Variants in USP54 observed in about 807,000 individuals in gnomAD.
USP54 encodes ubiquitin carboxyl-terminal hydrolase 54.
In USP54, 87 loss-of-function variants were observed where a neutral mutation model predicts 170.5. That is an observed-to-expected ratio of 0.51 (90% CI 0.43 to 0.61). The LOEUF is 0.61. Ranked by LOEUF, USP54 falls within the 20% of genes least tolerant of loss-of-function variation. The pLI is 0.00. For synonymous variants in USP54, 655 were observed against 742.8 expected (o/e 0.88, Z 1.92); for missense variants, 1,786 against 2,047.8 (o/e 0.87, Z 2.47).
chr10:73,608,236 G>A (rs143625838), intron 1 of USP54, among the ~76,000 whole-genome samples: 15 of 152,004 alleles, frequency 9.9e-5, no homozygotes, highest in African/African-American at 3.4e-4. Flanking sequence ...CTCCAGCCTG[G>A]GCAACAGAGC....
Position 73,541,695 on chromosome 10 carries a change from G to A in USP54, c.616C>T (p.Pro206Ser). Residue 206 changes from proline to serine, a missense_variant, in exon 8 of 24, where the codon CCA (proline) becomes TCA (serine). Coordinates refer to ENST00000687698, the MANE Select transcript of USP54 (RefSeq NM_001391956.1). ...TGCAGCAGCTCACCAAACATGCTTGGTGAAGGTTTCTCTCGTCTTTCCAGC... is the reference window on the plus strand; with the variant it reads ...TGCAGCAGCTCACCAAACATGCTTGATGAAGGTTTCTCTCGTCTTTCCAGC... ...CMLERREKPS[P>S]SMFGELLQNA... The A allele has an allele frequency of 1.9e-6, 3 of 1,614,152 alleles. No homozygotes were observed. The highest frequency in any genetic ancestry group is 2.5e-6 in the Non-Finnish European group (3 of 1,180,028).
intron 1 of USP54, among the ~76,000 whole-genome samples, chr10:73,587,529 G>C (rs1037472167): frequency 1.3e-5 from 2 of 152,212 alleles, no homozygotes; most frequent in South Asian, 4.2e-4. Context: ...AGAACCTCGG[G>C]AGGTAACATG....
chr10:73,539,670 G>A lies in USP54; in HGVS notation c.826-77C>T, dbSNP rs76548618. ...CATCATCTCTCAGCAGACTCCACCA[G>A]CATTTCTTAAGTAAGGTACTGACTT... On this transcript the variant is annotated intron_variant, in intron 9 of 23. Transcript: ENST00000687698. 0.013 allele frequency: 18,029 copies of A among 1,414,288 alleles called. 1,065 individuals are homozygous for A. The African/African-American group carries it at 0.17, about 13-fold the overall frequency. 87.6% of individuals were successfully genotyped at this position (1,414,288 alleles called of 1,614,324 possible). A position where few individuals can be genotyped will look rare whatever the true frequency, so the allele number is the denominator to read the frequency against.
At chr10:73,561,591 T>C in intron 4 of USP54, among the ~76,000 whole-genome samples, 1 of 152,190 alleles carries the variant, frequency 6.6e-6, no homozygotes, top group South Asian at 2.1e-4. Context: ...GTGAATGGCA[T>C]CTGAAATGTC....
intron 11 of USP54, 29 bp downstream of exon 11, chr10:73,536,240 G>C (rs2065193880): frequency 6.2e-7 from 1 of 1,612,104 alleles, no homozygotes. Context: ...GGTGAGGAGA[G>C]AGGAGAGGTA....
intron 22 of USP54, among the ~76,000 whole-genome samples, chr10:73,503,864 CT>C (rs536739446): frequency 1.4e-3 from 207 of 152,256 alleles, no homozygotes; most frequent in African/African-American, 4.6e-3. Flanking sequence ...TCCCGAGTAG[CT>C]AGGACTACAA....
chr10:73,561,775 A>C (rs2073119343), intron 4 of USP54, among the ~76,000 whole-genome samples: 1 of 152,252 alleles, frequency 6.6e-6, no homozygotes, highest in Non-Finnish European at 1.5e-5. Flanking sequence ...ACTAACTTCA[A>C]TATAGCATTC....
At chr10:73,618,560 A>G (rs2080833876) in intron 1 of USP54, among the ~76,000 whole-genome samples, 2 of 149,278 alleles carry the variant, frequency 1.3e-5, no homozygotes, top group East Asian at 2.0e-4. Context: ...CCTGGCCAAC[A>G]TGGTGAAACC....
At position 73,603,793 on chromosome 10, in the gene USP54, A is replaced by G. The variant is rs577142364; in HGVS notation, c.-18+21774T>C. ...AAAAAACTACAAGTCAACAACAACA[A>G]AATACAATTAAAAAATAAAGAACTT... On this transcript the variant is annotated intron_variant, in intron 1 of 22. Transcript: ENST00000339859. Among the ~76,000 whole-genome samples, 232 of 152,130 alleles carry G rather than the reference A, an allele frequency of 1.5e-3. 1 individual carries two copies. Among genetic ancestry groups the G allele is most frequent in the African/African-American group, 5.4e-3 (223 of 41,532 alleles).
At chr10:73,534,792 T>C in intron 11 of USP54, 22 bp from the exon 12 acceptor site, 3 of 1,607,760 alleles carry the variant, frequency 1.9e-6, no homozygotes, top group East Asian at 4.5e-5. Flanking sequence ...AGGAAACACA[T>C]ATGCAAAAAG....
chr10:73,526,363 T>C (rs1278661427), intron 16 of USP54, among the ~76,000 whole-genome samples: 2 of 152,140 alleles, frequency 1.3e-5, no homozygotes, highest in African/African-American at 4.8e-5. Context: ...TTCTCCTGCC[T>C]CAGCCTCCCG....
Position 73,540,296 on chromosome 10 carries a change from C to A in USP54, c.826-703G>T, listed in dbSNP as rs895033680. Among the ~76,000 whole-genome samples, 58 of 147,232 alleles carry A rather than the reference C, an allele frequency of 3.9e-4. 1 individual carries two copies. Among genetic ancestry groups the A allele is most frequent in the African/African-American group, 1.4e-3 (57 of 40,114 alleles). On this transcript the variant is annotated intron_variant, in intron 9 of 23. Transcript: ENST00000687698. The stretch of plus-strand genomic sequence containing the variant: ...TAAAAAAAAAAAAAAACCAGCTGGG[C>A]GCGGTGGCTCACGCCTGTAATCCCA...
At chr10:73,505,190 TTC>T in intron 21 of USP54, 116 bp downstream of exon 21, 1 of 1,248,990 alleles carries the variant, frequency 8.0e-7, no homozygotes, top group Non-Finnish European at 1.1e-6. Context: ...CCTTATTTTC[TTC>T]TGATAGCCCC....
chr10:73,590,090 T>C (rs1225870466), intron 1 of USP54, among the ~76,000 whole-genome samples: 1 of 152,208 alleles, frequency 6.6e-6, no homozygotes, highest in Non-Finnish European at 1.5e-5. Flanking sequence ...ACTGGACACA[T>C]GGTATATCCT....
chr10:73,625,749 G>A (rs1054005873), upstream of USP54: 8 of 151,968 alleles, frequency 5.3e-5, no homozygotes, highest in African/African-American at 1.9e-4. Context: ...AGCAGCTCTA[G>A]TCCTCCCCGC....
chr10:73,562,049 C>T lies in USP54; in HGVS notation c.240+9372G>A, dbSNP rs560073079. ...CTAGGAGGTAGAGGTTGCAGTGAGC[C>T]GAGATCATGCCACTGCACTCCAGCC... On this transcript the variant is annotated intron_variant, in intron 4 of 23. Transcript: ENST00000687698. Among the ~76,000 whole-genome samples the T allele has an allele frequency of 5.1e-4, 78 of 151,598 alleles. 1 individual carries two copies. The South Asian group carries it at 8.1e-3, about 16-fold the overall frequency.
intron 1 of USP54, among the ~76,000 whole-genome samples, chr10:73,585,425 C>T (rs954866353): frequency 5.3e-5 from 8 of 152,148 alleles, no homozygotes; most frequent in Non-Finnish European, 1.0e-4. Flanking sequence ...AGGGAGCTTA[C>T]GATCATGACA....
In USP54 at chr10:73,517,452, A is replaced by G. The variant is rs145377545; in HGVS notation, c.2974T>C (p.Leu992=). The change falls in exon 20 of 24, where the codon TTG becomes CTG. Residue 992 remains leucine (L), a synonymous_variant. Coordinates refer to ENST00000687698, the MANE Select transcript of USP54 (RefSeq NM_001391956.1). ...TGCAGCTTACCCTCTGGGGCATCCA[A>G]TGGCTCCCAACTATGATGAGAATTC... The part of the protein sequence containing the change: ...EKNSHHSWEP[L]DAPEGKLQGS... The G allele has an allele frequency of 3.2e-3, 5,185 of 1,614,200 alleles. 12 individuals carry two copies. Among genetic ancestry groups the G allele is most frequent in the Non-Finnish European group, 3.9e-3 (4,622 of 1,180,036 alleles).
At chr10:73,597,610 C>T (rs1328773791) in intron 1 of USP54, among the ~76,000 whole-genome samples, 1 of 152,168 alleles carries the variant, frequency 6.6e-6, no homozygotes, top group Admixed American at 6.6e-5. Flanking sequence ...CTTAAAAACC[C>T]CAATCCTGGA....
Sources: allele counts gnomAD v4.1 joint callset (sites outside exome capture counted in the v4.1 genomes callset), GRCh38; gene constraint gnomAD v4.1.1; transcripts MANE v1.5; gene names NCBI Gene and HGNC (gene_info 2026-07-23, HGNC 2026-07-21).